TG: variants seen among roughly 807,000 people sequenced by gnomAD.
TG encodes the protein thyroglobulin.
A neutral mutation model predicts 324.7 loss-of-function variants in TG; 270 were observed. The observed-to-expected ratio is 0.83, with a 90% CI of 0.75 to 0.92. TG has a LOEUF of 0.92. Ranked by LOEUF, TG falls within the 40% of genes least tolerant of loss-of-function variation. The pLI is 0.00. For missense variants in TG, 3,591 were observed against 3,456.4 expected (o/e 1.04, Z -0.98); for synonymous variants, 1,401 against 1,327.0 (o/e 1.06, Z -1.21).
intron 41 of TG, among the ~76,000 whole-genome samples, chr8:133,058,714 G>A (rs552441293): frequency 4.6e-5 from 7 of 152,340 alleles, no homozygotes; most frequent in African/African-American, 1.7e-4. Flanking sequence ...CACCCTGCAC[G>A]TTGCACGCTG....
At chr8:133,053,997 G>A (rs1564124006) in intron 41 of TG, among the ~76,000 whole-genome samples, 2 of 152,166 alleles carry the variant, frequency 1.3e-5, no homozygotes, top group Admixed American at 6.5e-5. Context: ...CACTGGGAAG[G>A]TATTACAGTT....
Position 133,012,814 on chromosome 8 carries a change from A to G in TG, c.6397+779A>G, listed in dbSNP as rs79407614. 1.4e-4 allele frequency among the ~76,000 whole-genome samples: 21 copies of G among 152,352 alleles called. No individual in the cohort carries two copies. The East Asian group carries it at 2.9e-3, about 21-fold the overall frequency. ...ACCATTCACAGAAATTGAGCTATAAATAGGGCTCTTAGGCTGTCAACAACC... is the reference window on the plus strand; with the variant it reads ...ACCATTCACAGAAATTGAGCTATAAGTAGGGCTCTTAGGCTGTCAACAACC... On this transcript the variant is annotated intron_variant, in intron 36 of 47. Transcript: ENST00000220616.
intron 23 of TG, among the ~76,000 whole-genome samples, chr8:132,932,971 A>G (rs941491866): frequency 1.3e-5 from 2 of 152,234 alleles, no homozygotes; most frequent in Admixed American, 1.3e-4. Flanking sequence ...CTGAAGTCTG[A>G]CTACTTAGAT....
chr8:133,061,339 G>T (rs981233208), intron 41 of TG, among the ~76,000 whole-genome samples: 2 of 152,144 alleles, frequency 1.3e-5, no homozygotes, highest in Admixed American at 1.3e-4. Flanking sequence ...ACTGTTTTGG[G>T]GAACACTAAT....
chr8:132,956,340 G>A (rs1394522126), intron 27 of TG, among the ~76,000 whole-genome samples: 2 of 152,144 alleles, frequency 1.3e-5, no homozygotes, highest in Non-Finnish European at 2.9e-5. Context: ...CTGGGGGAGT[G>A]GGTGATATAA....
intron 41 of TG, among the ~76,000 whole-genome samples, chr8:133,078,067 C>T (rs1035390477): frequency 2.6e-5 from 4 of 152,208 alleles, no homozygotes; most frequent in Non-Finnish European, 4.4e-5. Flanking sequence ...GGACTCAGCT[C>T]TGCAGCACGT....
At chr8:133,060,061 G>A (rs1328223054) in intron 41 of TG, 2 of 1,544,906 alleles carry the variant, frequency 1.3e-6, no homozygotes, top group Non-Finnish European at 1.7e-6. Context: ...GGCTCTTGTA[G>A]CACAGACTCA....
chr8:132,874,529 C>T (rs1295421771), intron 5 of TG, among the ~76,000 whole-genome samples: 1 of 152,162 alleles, frequency 6.6e-6, no homozygotes, highest in East Asian at 1.9e-4. Context: ...GAACTTGAGC[C>T]TCTCTTTGGC....
rs140912400 is a variant in TG, at chr8:132,916,720, C to T, written c.4379-2656C>T. Among the ~76,000 whole-genome samples, 146 of 152,286 alleles carry T rather than the reference C, an allele frequency of 9.6e-4. 2 individuals carry two copies. In the East Asian group the frequency reaches 0.028, roughly 29 times the overall value. ...CAGCCCTGATGGAGTCAGTTTTGTT[C>T]CCCCTTTTGCCTCAAGGCCAGCCAT... On this transcript the variant is annotated intron_variant, in intron 20 of 47. Transcript: ENST00000220616.
At position 132,966,680 on chromosome 8, in the gene TG, A is replaced by T. The variant is rs1406872727; in HGVS notation, c.5669A>T (p.Asn1890Ile). ...FKHLFSAQQA[N>I]LWCLSRCVQE... ...CACCTGTTTTCAGCCCAGCAGGCAA[A>T]CCTATGGTGCCTTTCTCGTAAGTAT... Residue 1890 changes from asparagine (N) to isoleucine (I), a missense_variant, in exon 30 of 48, where the codon AAC becomes ATC. By Grantham distance (149) the Asn-to-Ile change is moderately radical. Transcript: ENST00000220616. 5 of 1,613,950 alleles carry T rather than the reference A, an allele frequency of 3.1e-6. No individual in the cohort carries two copies. Among genetic ancestry groups the T allele is most frequent in the Non-Finnish European group, 4.2e-6 (5 of 1,179,992 alleles).
intron 1 of TG, among the ~76,000 whole-genome samples, chr8:132,867,701 G>T (rs1465832093): frequency 1.3e-5 from 2 of 149,766 alleles, no homozygotes; most frequent in Non-Finnish European, 1.5e-5. Flanking sequence ...CATCTGCAGG[G>T]CATGGCTTGA....
rs528502256 is a variant in TG at position 132,926,773 on chromosome 8, C to G, written c.4700-2303C>G. Among the ~76,000 whole-genome samples the G allele has an allele frequency of 2.0e-5, 3 of 152,206 alleles. No homozygotes were observed. The South Asian group carries it at 6.2e-4, about 32-fold the overall frequency. ...TGCTATATTATTTAGTCCTCACAAC[C>G]AGAAAACTGAAACTCTCAGAGGTTG... On this transcript the variant is annotated intron_variant, in intron 22 of 47. Transcript: ENST00000220616.
At chr8:132,929,390 G>C (rs1349161910) in intron 23 of TG, among the ~76,000 whole-genome samples, 198 bp downstream of exon 23, 1 of 152,176 alleles carries the variant, frequency 6.6e-6, no homozygotes, top group East Asian at 1.9e-4. Context: ...TTTATCTACT[G>C]TATGCTATCC....
At chr8:132,868,003 G>C (rs1443382881) in intron 1 of TG, 112 bp from the exon 2 acceptor site, 3 of 936,470 alleles carry the variant, frequency 3.2e-6, no homozygotes, top group Middle Eastern at 5.3e-4. Context: ...AAAATAGGCT[G>C]TCATAGGTAA....
intron 34 of TG, among the ~76,000 whole-genome samples, chr8:132,974,298 T>G (rs1829929621): frequency 6.6e-6 from 1 of 152,178 alleles, no homozygotes; most frequent in Admixed American, 6.5e-5. Flanking sequence ...CCAGCCACAT[T>G]CTTTATTTCA....
chr8:133,107,511 C>G (rs1211419695), intron 43 of TG, among the ~76,000 whole-genome samples: 1 of 152,186 alleles, frequency 6.6e-6, no homozygotes, highest in Non-Finnish European at 1.5e-5. Flanking sequence ...CGGTGGCCCC[C>G]ACTCCCGCCT....
At position 133,021,659 on chromosome 8, in the gene TG, G is replaced by A. The variant is rs147626272; in HGVS notation, c.6877-332G>A. 1.8e-3 allele frequency among the ~76,000 whole-genome samples: 271 copies of A among 152,308 alleles called. 1 individual carries two copies. The highest frequency in any genetic ancestry group is 0.014 in the Middle Eastern group (4 of 294). Reference sequence around the variant, plus strand: ...AGGCTCCTCTCCTTGGCTTGTAGATGTTCCTTTTCTCTTCCTTGTGTCTTT... The same window carrying A: ...AGGCTCCTCTCCTTGGCTTGTAGATATTCCTTTTCTCTTCCTTGTGTCTTT... On this transcript the variant is annotated intron_variant, in intron 39 of 47. Coordinates refer to ENST00000220616, the MANE Select transcript of TG (RefSeq NM_003235.5).
intron 35 of TG, among the ~76,000 whole-genome samples, chr8:132,986,181 CTG>C (rs1449675931): frequency 6.6e-6 from 1 of 151,906 alleles, no homozygotes; most frequent in Non-Finnish European, 1.5e-5. Flanking sequence ...AGAAGTTACT[CTG>C]TGTCAGTTAA....
chr8:132,893,342 G>C (rs915540344), intron 10 of TG, among the ~76,000 whole-genome samples: 1 of 144,960 alleles, frequency 6.9e-6, no homozygotes, highest in Admixed American at 6.9e-5. Context: ...TGTATGGTGT[G>C]TATAGGTGTG....
Sources: allele counts gnomAD v4.1 joint callset (sites outside exome capture counted in the v4.1 genomes callset), GRCh38; gene constraint gnomAD v4.1.1; transcripts MANE v1.5; gene names NCBI Gene and HGNC (gene_info 2026-07-23, HGNC 2026-07-21).